SSBP2: variants seen among roughly 807,000 people sequenced by gnomAD.
SSBP2 encodes the protein single-stranded DNA-binding protein 2.
Under a neutral mutation model 61.8 loss-of-function variants are expected in SSBP2, and 17 were observed. That is an observed-to-expected ratio of 0.28 (90% CI 0.19 to 0.41). The LOEUF is 0.41. Ranked by LOEUF, SSBP2 falls within the 10% of genes least tolerant of loss-of-function variation. The probability of loss-of-function intolerance (pLI) is 1.00; values close to 1 mark genes in which losing one functional copy is unlikely to be tolerated. For synonymous variants in SSBP2, 139 were observed against 141.3 expected (o/e 0.98, Z 0.12); for missense variants, 310 against 458.7 (o/e 0.68, Z 2.96).
At chr5:81,584,967 TAAG>T (rs1774951362) in intron 4 of SSBP2, among the ~76,000 whole-genome samples, 3 of 152,096 alleles carry the variant, frequency 2.0e-5, no homozygotes, top group African/African-American at 7.2e-5. Context: ...TTAAGTAGTT[TAAG>T]ATAAAGAAAT....
At chr5:81,599,949 T>C (rs1744176630) in intron 4 of SSBP2, among the ~76,000 whole-genome samples, 1 of 151,920 alleles carries the variant, frequency 6.6e-6, no homozygotes, top group African/African-American at 2.4e-5. Flanking sequence ...CACATTTTAT[T>C]GTAATTACCT....
chr5:81,652,781 G>A (rs1055707922), intron 1 of SSBP2, among the ~76,000 whole-genome samples: 3 of 151,690 alleles, frequency 2.0e-5, no homozygotes, highest in South Asian at 4.2e-4. Context: ...GAATTTTTGG[G>A]AACGAGCTGT....
At chr5:81,511,470 C>G (rs988839622) in intron 5 of SSBP2, among the ~76,000 whole-genome samples, 1 of 152,144 alleles carries the variant, frequency 6.6e-6, no homozygotes, top group Non-Finnish European at 1.5e-5. Flanking sequence ...TATAGCATAT[C>G]TTTTCAATTT....
rs541274677 is a variant in SSBP2 at position 81,569,674 on chromosome 5, C to T, written c.282+45799G>A. ...CCACAAACAACTAACTCAATCTTTA[C>T]CTATATAAGCAGCAACTAATACAGT... On this transcript the variant is annotated intron_variant, in intron 4 of 16. Transcript: ENST00000320672. Among the ~76,000 whole-genome samples the T allele has an allele frequency of 1.6e-4, 24 of 152,194 alleles. No homozygotes were observed. The South Asian group carries it at 3.7e-3, about 24-fold the overall frequency.
chr5:81,453,347 A>G (rs1268990707), intron 10 of SSBP2, among the ~76,000 whole-genome samples: 1 of 151,984 alleles, frequency 6.6e-6, no homozygotes, highest in African/African-American at 2.4e-5. Flanking sequence ...AGAATGGTGG[A>G]TATGTGACTG....
intron 4 of SSBP2, among the ~76,000 whole-genome samples, chr5:81,538,869 A>T (rs1161231753): frequency 6.6e-6 from 1 of 152,224 alleles, no homozygotes; most frequent in Non-Finnish European, 1.5e-5. Context: ...TTGACAATGC[A>T]TCTAGTCACC....
intron 1 of SSBP2, among the ~76,000 whole-genome samples, chr5:81,682,534 A>G (rs1181744457): frequency 6.6e-6 from 1 of 152,204 alleles, no homozygotes; most frequent in Non-Finnish European, 1.5e-5. Context: ...CCTCAACTTG[A>G]TGAAGAACAT....
At chr5:81,527,206 T>C (rs1770009858) in intron 4 of SSBP2, among the ~76,000 whole-genome samples, 1 of 151,954 alleles carries the variant, frequency 6.6e-6, no homozygotes. Context: ...GATTATTAGA[T>C]GTAATATTTT....
intron 4 of SSBP2, among the ~76,000 whole-genome samples, chr5:81,563,214 C>T (rs1399079564): frequency 6.6e-6 from 1 of 151,976 alleles, no homozygotes; most frequent in African/African-American, 2.4e-5. Flanking sequence ...ACATATATGG[C>T]GATTTTCAAC....
chr5:81,454,218 T>A (rs900879704), intron 10 of SSBP2, among the ~76,000 whole-genome samples: 3 of 152,170 alleles, frequency 2.0e-5, no homozygotes, highest in African/African-American at 7.2e-5. Context: ...TGGTAACCCC[T>A]CCCAACTCTA....
At chr5:81,703,645 C>T (rs1231403109) in intron 1 of SSBP2, among the ~76,000 whole-genome samples, 2 of 152,146 alleles carry the variant, frequency 1.3e-5, no homozygotes, top group Non-Finnish European at 2.9e-5. Context: ...AATTCCTCTA[C>T]TGAGTTTAAA....
chr5:81,571,322 C>T (rs1412993643), intron 4 of SSBP2, among the ~76,000 whole-genome samples: 2 of 151,788 alleles, frequency 1.3e-5, no homozygotes, highest in Admixed American at 6.6e-5. Flanking sequence ...TTTTTGAAGG[C>T]TTTAGCAAGA....
intron 16 of SSBP2, among the ~76,000 whole-genome samples, chr5:81,424,840 G>C (rs1318685867): frequency 6.6e-6 from 1 of 152,186 alleles, no homozygotes; most frequent in African/African-American, 2.4e-5. Flanking sequence ...AAATATTCAT[G>C]GTGTACTGTA....
At chr5:81,716,163 A>T (rs1755159487) in intron 1 of SSBP2, among the ~76,000 whole-genome samples, 2 of 152,156 alleles carry the variant, frequency 1.3e-5, no homozygotes, top group Admixed American at 1.3e-4. Flanking sequence ...AAAAAAATCA[A>T]GTAGCAGCAA....
chr5:81,459,064 C>A (rs1334825000), intron 10 of SSBP2, among the ~76,000 whole-genome samples: 3 of 152,184 alleles, frequency 2.0e-5, no homozygotes, highest in Admixed American at 2.0e-4. Flanking sequence ...TACATGTGTG[C>A]TAGTCAAATG....
intron 1 of SSBP2, among the ~76,000 whole-genome samples, chr5:81,724,015 G>C (rs1172230312): frequency 6.6e-6 from 1 of 151,914 alleles, no homozygotes. Flanking sequence ...GCTCTCTTCT[G>C]TCTTCTCTGC....
intron 1 of SSBP2, among the ~76,000 whole-genome samples, chr5:81,689,354 T>C (rs766689586): frequency 6.6e-6 from 1 of 152,096 alleles, no homozygotes; most frequent in Non-Finnish European, 1.5e-5. Flanking sequence ...GGTATTAATA[T>C]TTAAGTACAA....
chr5:81,600,962 G>T (rs1026337297), intron 4 of SSBP2, among the ~76,000 whole-genome samples: 1 of 151,936 alleles, frequency 6.6e-6, no homozygotes, highest in Non-Finnish European at 1.5e-5. Flanking sequence ...CATCATTTAG[G>T]GTATACTCTT....
chr5:81,550,901 C>A (rs1041110033), intron 4 of SSBP2, among the ~76,000 whole-genome samples: 3 of 151,986 alleles, frequency 2.0e-5, no homozygotes, highest in African/African-American at 7.3e-5. Flanking sequence ...TCGAGACCAT[C>A]CTGGGTAACA....
Sources: allele counts gnomAD v4.1 joint callset (sites outside exome capture counted in the v4.1 genomes callset), GRCh38; gene constraint gnomAD v4.1.1; transcripts MANE v1.5; gene names NCBI Gene and HGNC (gene_info 2026-07-23, HGNC 2026-07-21).